Variants in PCDHGA7 observed in about 807,000 individuals in gnomAD.
PCDHGA7 encodes protocadherin gamma-A7.
In PCDHGA7, 44 loss-of-function variants were observed where a neutral mutation model predicts 58.3. That is an observed-to-expected ratio of 0.75 (90% CI 0.59 to 0.97). The LOEUF (loss-of-function observed/expected upper bound fraction) is 0.97, where lower values mean the gene tolerates loss of function less well. Ranked by LOEUF, PCDHGA7 falls within the 50% of genes least tolerant of loss-of-function variation. The pLI, the probability that PCDHGA7 is intolerant of heterozygous loss-of-function variation, is 0.00. For synonymous variants in PCDHGA7, 516 were observed against 504.2 expected (o/e 1.02, Z -0.31); for missense variants, 1,266 against 1,188.7 (o/e 1.06, Z -0.96).
rs752155536 is a variant in PCDHGA7, at chr5:141,477,181, C to T, written c.2425-17626C>T. The T allele has an allele frequency of 2.5e-6, 4 of 1,614,182 alleles. No individual in the cohort carries two copies. In the Admixed American group the frequency reaches 6.7e-5, roughly 27 times the overall value. ...ACAACGCCCCGGAGATCACAGTCACCTCCGTGTACAGCCCAGTACCCGAGG... is the reference window on the plus strand; with the variant it reads ...ACAACGCCCCGGAGATCACAGTCACTTCCGTGTACAGCCCAGTACCCGAGG... On this transcript the variant is annotated intron_variant, in intron 1 of 3. Transcript: ENST00000518325. This position sits in a 1 kb window ranked among gnomAD's most constrained non-coding sequence, Gnocchi z 4.9.
intron 1 of PCDHGA7, chr5:141,479,313 G>C (rs926148640): frequency 2.0e-5 from 3 of 152,456 alleles, no homozygotes; most frequent in Non-Finnish European, 2.9e-5. Context: ...AAAACATAAA[G>C]TAGCCAGACT....
rs200900873 is a variant in PCDHGA7 at position 141,510,902 on chromosome 5, G to A, written c.2573-45G>A. On this transcript the variant is annotated intron_variant, in intron 3 of 3. Transcript: ENST00000518325. ...GGGGATATAAGACAGTGACTGTTGAGGACCCTAAGTTTAGCTCCCACCTGA... is the reference window on the plus strand; with the variant it reads ...GGGGATATAAGACAGTGACTGTTGAAGACCCTAAGTTTAGCTCCCACCTGA... The A allele has an allele frequency of 1.5e-3, 2,449 of 1,613,462 alleles. 7 individuals carry two copies. The highest frequency in any genetic ancestry group is 1.9e-3 in the Non-Finnish European group (2,206 of 1,179,758).
rs1344329529 is a variant in PCDHGA7, at chr5:141,456,847, C to T, written c.2425-37960C>T. Among the ~76,000 whole-genome samples the T allele has an allele frequency of 2.0e-5, 3 of 152,084 alleles. No homozygotes were observed. The East Asian group carries it at 5.8e-4, about 29-fold the overall frequency. ...TCGTGGTAGTGGGCGCCTGTAATCC[C>T]AGCTAATTGGGAGGCTGAGGCAGGA... On this transcript the variant is annotated intron_variant, in intron 1 of 3. Transcript: ENST00000518325.
At chr5:141,412,939 C>G in intron 1 of PCDHGA7, 1 of 461,988 alleles carries the variant, frequency 2.2e-6, no homozygotes, top group Non-Finnish European at 3.8e-6. Context: ...TCTTAGGACT[C>G]TGAGCGCCGC....
chr5:141,501,964 A>G (rs1374872785), intron 2 of PCDHGA7, among the ~76,000 whole-genome samples: 1 of 151,854 alleles, frequency 6.6e-6, no homozygotes, highest in East Asian at 1.9e-4. Flanking sequence ...TCATCCTCCT[A>G]ACCTCTGGCA....
Position 141,415,225 on chromosome 5 carries a change from T to C in PCDHGA7, c.2424+29902T>C, listed in dbSNP as rs189700811. On this transcript the variant is annotated intron_variant, in intron 1 of 3. Transcript: ENST00000518325. ...CCTGGCGGACCTCGGCAGCTTCGAG[T>C]CTCCAGCTAACTCTGAAACCTCAGA... 12,267 of 1,614,024 alleles carry C rather than the reference T, an allele frequency of 7.6e-3. 74 individuals carry two copies. Among genetic ancestry groups the C allele is most frequent in the Non-Finnish European group, 9.2e-3 (10,854 of 1,180,002 alleles).
At chr5:141,502,008 C>T (rs753492460) in intron 2 of PCDHGA7, among the ~76,000 whole-genome samples, 6 of 152,086 alleles carry the variant, frequency 3.9e-5, no homozygotes, top group Non-Finnish European at 8.8e-5. Context: ...AACCCGCATG[C>T]TCTCCTCCCT....
At position 141,383,523 on chromosome 5, in the gene PCDHGA7, C is replaced by A. The variant is rs1337208290; in HGVS notation, c.624C>A (p.His208Gln). ...TGGACCGGGAGGAAGAGCGGGTTCACCACCTGGTCCTCACAGCCTCTGATG... is the reference window on the plus strand; with the variant it reads ...TGGACCGGGAGGAAGAGCGGGTTCAACACCTGGTCCTCACAGCCTCTGATG... Reference protein sequence around the residue: ...RVLDREEERVHHLVLTASDGG... With the variant: ...RVLDREEERVQHLVLTASDGG... The change falls in exon 1 of 4, where the codon CAC becomes CAA. Residue 208 changes from histidine to glutamine, a missense_variant. Coordinates refer to ENST00000518325, the MANE Select transcript of PCDHGA7 (RefSeq NM_018920.4). The A allele has an allele frequency of 1.2e-6, 2 of 1,612,324 alleles. No homozygotes were observed. Among genetic ancestry groups the A allele is most frequent in the African/African-American group, 2.7e-5 (2 of 74,864 alleles).
rs1348297963 is a variant in PCDHGA7, at chr5:141,487,103, G to A, written c.2425-7704G>A. 6.2e-7 allele frequency: 1 copy of A among 1,614,124 alleles called. No individual in the cohort carries two copies. Among genetic ancestry groups the A allele is most frequent in the Non-Finnish European group, 8.5e-7 (1 of 1,180,000 alleles). On this transcript the variant is annotated intron_variant, in intron 1 of 3. Coordinates refer to ENST00000518325, the MANE Select transcript of PCDHGA7 (RefSeq NM_018920.4). The surrounding 1 kb of genome is among the most constrained non-coding windows in gnomAD (Gnocchi z 5.0). ...AGCTGACCTCCCACCACAGAAGCTG[G>A]TCATTGTGGTAAAGGATAGTGGTAG...
At chr5:141,394,840 G>A in intron 1 of PCDHGA7, 3 of 1,613,834 alleles carry the variant, frequency 1.9e-6, no homozygotes, top group Non-Finnish European at 2.5e-6. Context: ...ACCGAGTTGG[G>A]CAGTCTGAAG....
chr5:141,418,150 A>C (rs1377300460), intron 1 of PCDHGA7: 2 of 1,614,112 alleles, frequency 1.2e-6, no homozygotes, highest in Non-Finnish European at 8.5e-7. Context: ...AAATATGCAA[A>C]GAGAGAAGAA....
At chr5:141,409,590 A>G (rs755702950) in intron 1 of PCDHGA7, 1 of 1,613,898 alleles carries the variant, frequency 6.2e-7, no homozygotes, top group Non-Finnish European at 8.5e-7. Context: ...CACGTGGCCG[A>G]GAACAACCCG....
rs533830391 is a variant in PCDHGA7, at chr5:141,492,559, C to T, written c.2425-2248C>T. 4.6e-5 allele frequency among the ~76,000 whole-genome samples: 7 copies of T among 152,292 alleles called. No homozygotes were observed. The East Asian group carries it at 1.4e-3, about 29-fold the overall frequency. The stretch of plus-strand genomic sequence containing the variant: ...GGGCTGGGCCGGGTCGCCTGGGGGG[C>T]GGCCTGAGCGAGGCGCGGGGCCAGG... On this transcript the variant is annotated intron_variant, in intron 1 of 3. Coordinates refer to ENST00000518325, the MANE Select transcript of PCDHGA7 (RefSeq NM_018920.4).
intron 1 of PCDHGA7, among the ~76,000 whole-genome samples, chr5:141,437,923 A>G (rs893873818): frequency 2.0e-5 from 3 of 152,110 alleles, no homozygotes; most frequent in African/African-American, 7.2e-5. Context: ...TTTTTAGTAG[A>G]GATGGGGTTT....
At chr5:141,435,858 A>C (rs138728159) in intron 1 of PCDHGA7, among the ~76,000 whole-genome samples, 1 of 152,304 alleles carries the variant, frequency 6.6e-6, no homozygotes, top group East Asian at 1.9e-4. Context: ...TACAATAGTT[A>C]AAACCCAGAA....
chr5:141,493,289 C>A lies in PCDHGA7; in HGVS notation c.2425-1518C>A, dbSNP rs925045650. On this transcript the variant is annotated intron_variant, in intron 1 of 3. Coordinates refer to ENST00000518325, the MANE Select transcript of PCDHGA7 (RefSeq NM_018920.4). This position sits in a 1 kb window ranked among gnomAD's most constrained non-coding sequence, Gnocchi z 4.3. The stretch of plus-strand genomic sequence containing the variant: ...CTTCACAGAGGTCAAGTGACTTGCT[C>A]AAGTTCACAGAGCAAGTAAGAGAGA... 6.6e-6 allele frequency among the ~76,000 whole-genome samples: 1 copy of A among 152,176 alleles called. No individual in the cohort carries two copies. Among genetic ancestry groups the A allele is most frequent in the East Asian group, 1.9e-4 (1 of 5,194 alleles).
At position 141,490,406 on chromosome 5, in the gene PCDHGA7, T is replaced by G; in HGVS notation, c.2425-4401T>G. On this transcript the variant is annotated intron_variant, in intron 1 of 3. Transcript: ENST00000518325. This position sits in a 1 kb window ranked among gnomAD's most constrained non-coding sequence, Gnocchi z 5.4. ...AGAAATGGTGAAGTGAGCCTTGATA[T>G]CTCTCCGGACCTGCCATTTCAGATT... is the stretch of plus-strand genomic sequence containing the variant. The G allele has an allele frequency of 1.9e-6, 3 of 1,614,112 alleles. No individual in the cohort carries two copies. Among genetic ancestry groups the G allele is most frequent in the Non-Finnish European group, 2.5e-6 (3 of 1,180,020 alleles).
chr5:141,427,483 A>G lies in PCDHGA7; in HGVS notation c.2424+42160A>G, dbSNP rs759092057. The G allele has an allele frequency of 1.5e-4, 79 of 535,350 alleles. 2 individuals carry two copies. The highest frequency in any genetic ancestry group is 1.1e-3 in the South Asian group (73 of 65,268). 33.2% of individuals were successfully genotyped at this position (535,350 alleles called of 1,614,324 possible). ...ATCGAATCTTCCGCCAATAATGACT[A>G]TAAGCTTGTAACAGATGGGACCCTG... On this transcript the variant is annotated intron_variant, in intron 1 of 3. Coordinates refer to ENST00000518325, the MANE Select transcript of PCDHGA7 (RefSeq NM_018920.4).
At position 141,477,115 on chromosome 5, in the gene PCDHGA7, A is replaced by G. The variant is rs1218111107; in HGVS notation, c.2425-17692A>G. ...AAGACAAGGGCGCCAATCCCGAAGG[A>G]GCACATTGCAAAGTGTTGGTGGAGG... On this transcript the variant is annotated intron_variant, in intron 1 of 3. Transcript: ENST00000518325. This position sits in a 1 kb window ranked among gnomAD's most constrained non-coding sequence, Gnocchi z 4.9. 1 of 1,614,230 alleles carries G rather than the reference A, an allele frequency of 6.2e-7. No homozygotes were observed. Among genetic ancestry groups the G allele is most frequent in the South Asian group, 1.1e-5 (1 of 91,090 alleles).
Sources: gnomAD v4.1 joint callset for allele counts (sites outside exome capture counted in the v4.1 genomes callset) on GRCh38, gnomAD v4.1.1 for gene constraint, Gnocchi (gnomAD v3.1) non-coding constraint, MANE v1.5 for transcripts, NCBI Gene and HGNC (gene_info 2026-07-23, HGNC 2026-07-21) for gene names.